Variants in ATP11C observed in about 807,000 individuals in gnomAD.
ATP11C encodes ATPase phospholipid transporting 11C (ATP11C blood group).
A neutral mutation model predicts 97.4 loss-of-function variants in ATP11C; 36 were observed. The ratio of observed to expected loss-of-function variants is 0.37; its 90% CI spans 0.28 to 0.49. ATP11C has a LOEUF of 0.49. Ranked by LOEUF, ATP11C falls within the 20% of genes least tolerant of loss-of-function variation. ATP11C has a pLI of 0.98. For missense variants in ATP11C, 730 were observed against 824.6 expected (o/e 0.89, Z 1.40); for synonymous variants, 275 against 290.9 (o/e 0.95, Z 0.56).
intron 1 of ATP11C, among the ~76,000 whole-genome samples, chrX:139,908,087 G>C (rs1200487716): frequency 9.0e-6 from 1 of 111,167 alleles, no homozygotes; most frequent in Non-Finnish European, 1.9e-5. Context: ...CCAGAAATTA[G>C]ATTACAAAAT....
At chrX:139,888,656 T>A (rs938811276) in intron 1 of ATP11C, among the ~76,000 whole-genome samples, 2 of 111,098 alleles carry the variant, frequency 1.8e-5, no homozygotes, top group Admixed American at 1.9e-4. Flanking sequence ...AATGGTATAG[T>A]CACTTTGAAA....
intron 4 of ATP11C, among the ~76,000 whole-genome samples, chrX:139,816,328 T>G (rs186042179): frequency 8.9e-6 from 1 of 111,943 alleles, no homozygotes; most frequent in Admixed American, 9.5e-5. Flanking sequence ...TCATCTGCAA[T>G]TTTTCAAACA....
At chrX:139,931,982 C>T in intron 1 of ATP11C, 34 bp downstream of exon 1, 2 of 1,152,224 alleles carry the variant, frequency 1.7e-6, no homozygotes, top group East Asian at 3.3e-5. Context: ...AGCAAGCAAA[C>T]CGGCACGCGC....
At chrX:139,925,770 A>T (rs897830680) in intron 1 of ATP11C, among the ~76,000 whole-genome samples, 11 of 112,001 alleles carry the variant, frequency 9.8e-5, no homozygotes, top group African/African-American at 3.6e-4. Flanking sequence ...CAGCAATATC[A>T]TCAACATCAC....
intron 29 of ATP11C, among the ~76,000 whole-genome samples, chrX:139,730,622 A>C (rs1208175705): frequency 9.0e-6 from 1 of 111,128 alleles, no homozygotes; most frequent in Non-Finnish European, 1.9e-5. Flanking sequence ...AAATGGGCCT[A>C]TAAGGTGGAC....
At chrX:139,805,756 G>C (rs2147802216) in intron 5 of ATP11C, among the ~76,000 whole-genome samples, 1 of 112,168 alleles carries the variant, frequency 8.9e-6, no homozygotes, top group Non-Finnish European at 1.9e-5. Flanking sequence ...GGTAATACAT[G>C]CAACACCCAA....
chrX:139,759,225 C>A (rs1823815016), intron 22 of ATP11C, among the ~76,000 whole-genome samples: 1 of 111,623 alleles, frequency 9.0e-6, no homozygotes, highest in Non-Finnish European at 1.9e-5. Flanking sequence ...ATGTAAGTCT[C>A]ATGAGAAAAG....
At chrX:139,903,145 T>C (rs2084923327) in intron 1 of ATP11C, among the ~76,000 whole-genome samples, 1 of 111,870 alleles carries the variant, frequency 8.9e-6, no homozygotes, top group Non-Finnish European at 1.9e-5. Flanking sequence ...TTATTAATGA[T>C]TGTGCATAGT....
At chrX:139,765,452 T>C (rs935719039) in intron 20 of ATP11C, among the ~76,000 whole-genome samples, 3 of 112,013 alleles carry the variant, frequency 2.7e-5, no homozygotes, top group African/African-American at 6.5e-5. Flanking sequence ...GAATGTATGA[T>C]ATTGTCATCC....
At chrX:139,843,648 T>C (rs2083867039) in intron 1 of ATP11C, among the ~76,000 whole-genome samples, 1 of 111,696 alleles carries the variant, frequency 9.0e-6, no homozygotes, top group African/African-American at 3.3e-5. Context: ...GCTATGTGTA[T>C]CAGTTCTACA....
intron 1 of ATP11C, among the ~76,000 whole-genome samples, chrX:139,922,223 AATATATATATATATATATATATATAT>A (rs201394639): frequency 0.098 from 4,299 of 43,760 alleles, 303 homozygotes; most frequent in South Asian, 0.24. Context: ...TCCTTCTCTA[AATATATATATATATATATATATATAT>A]ATATATATAT....
chrX:139,790,570 CAAAAT>C (rs1021831014), intron 12 of ATP11C, among the ~76,000 whole-genome samples: 4 of 109,511 alleles, frequency 3.7e-5, no homozygotes, highest in African/African-American at 1.3e-4. Flanking sequence ...TGGGATGTAA[CAAAAT>C]AAAACAGAAA....
intron 27 of ATP11C, 84 bp downstream of exon 27, chrX:139,740,907 T>A: frequency 1.8e-6 from 1 of 542,631 alleles, no homozygotes; most frequent in Non-Finnish European, 3.0e-6. Context: ...TTTTAAAGTA[T>A]AATGAATGCT....
intron 19 of ATP11C, 125 bp downstream of exon 19, chrX:139,774,565 T>G (rs2148701069): frequency 1.6e-6 from 1 of 606,610 alleles, no homozygotes; most frequent in South Asian, 3.6e-5. Flanking sequence ...CGATTTTAAC[T>G]TATAAGGATA....
At chrX:139,763,586 A>C (rs2082079097) in intron 20 of ATP11C, among the ~76,000 whole-genome samples, 168 bp from the exon 21 acceptor site, 1 of 112,213 alleles carries the variant, frequency 8.9e-6, no homozygotes, top group Non-Finnish European at 1.9e-5. Context: ...GACTGGCTCC[A>C]GGACGCTCGT....
intron 1 of ATP11C, among the ~76,000 whole-genome samples, chrX:139,896,932 A>T (rs948147160): frequency 2.7e-5 from 3 of 111,282 alleles, no homozygotes; most frequent in African/African-American, 9.8e-5. Flanking sequence ...AGATGTTAAT[A>T]ATAAGGGAAA....
chrX:139,788,300 G>T lies in ATP11C; in HGVS notation c.1412C>A (p.Thr471Asn). 8.3e-7 allele frequency: 1 copy of T among 1,207,545 alleles called. No homozygotes were observed. The highest frequency in any genetic ancestry group is 1.8e-5 in the South Asian group (1 of 56,597). Residue 471 changes from threonine to asparagine, a missense_variant, in exon 14 of 30, where the codon ACT (threonine) becomes AAT (asparagine). Transcript: ENST00000682941. Reference protein sequence around the residue: ...LFLRALCLCHTVEIKTNDAVD... With the variant: ...LFLRALCLCHNVEIKTNDAVD... ...AGCATCGTTTGTTTTGATTTCTACA[G>T]TATGACATAAACACAAGGCACGTAG...
intron 1 of ATP11C, among the ~76,000 whole-genome samples, chrX:139,895,044 A>C (rs757432830): frequency 8.9e-6 from 1 of 112,282 alleles, no homozygotes; most frequent in Non-Finnish European, 1.9e-5. Context: ...CAAAAAGGGC[A>C]AAACTCCATC....
intron 23 of ATP11C, among the ~76,000 whole-genome samples, chrX:139,750,916 T>C (rs1332693195): frequency 1.8e-5 from 2 of 112,318 alleles, no homozygotes; most frequent in Non-Finnish European, 3.8e-5. Context: ...AACCTCATTC[T>C]GATGAAAGCA....
Sources: allele counts gnomAD v4.1 joint callset (sites outside exome capture counted in the v4.1 genomes callset), GRCh38; gene constraint gnomAD v4.1.1; transcripts MANE v1.5; gene names NCBI Gene and HGNC (gene_info 2026-07-23, HGNC 2026-07-21).